CDK17: variants seen among roughly 807,000 people sequenced by gnomAD.
CDK17 encodes the protein cyclin-dependent kinase 17.
In CDK17, 24 loss-of-function variants were observed where a neutral mutation model predicts 77.6. That is an observed-to-expected ratio of 0.31 (90% CI 0.22 to 0.44). The LOEUF is 0.44. Among genes scored for constraint, CDK17 ranks in the 20% least tolerant of loss-of-function variants. The pLI is 1.00. For synonymous variants in CDK17, 203 were observed against 210.4 expected, an observed-to-expected ratio of 0.96 and a Z score of 0.30; for missense variants, 429 against 622.5, an observed-to-expected ratio of 0.69 and a Z score of 3.31.
At chr12:96,313,715 T>C (rs1952672694) in intron 3 of CDK17, among the ~76,000 whole-genome samples, 1 of 152,196 alleles carries the variant, frequency 6.6e-6, no homozygotes, top group African/African-American at 2.4e-5. Context: ...AATAAAATTA[T>C]AAACTGGAAA....
At chr12:96,346,866 G>T (rs184675444) in intron 1 of CDK17, among the ~76,000 whole-genome samples, 176 of 151,126 alleles carry the variant, frequency 1.2e-3, no homozygotes, top group Non-Finnish European at 1.8e-3. Context: ...AGTGAGCCGA[G>T]ATCACACCAC....
At chr12:96,359,357 AC>A (rs1413819332) in intron 1 of CDK17, among the ~76,000 whole-genome samples, 2 of 152,238 alleles carry the variant, frequency 1.3e-5, no homozygotes, top group Non-Finnish European at 2.9e-5. Flanking sequence ...GGTTATAATA[AC>A]AAAGATTTTA....
intron 5 of CDK17, among the ~76,000 whole-genome samples, chr12:96,301,225 C>A (rs185586889): frequency 1.8e-3 from 254 of 144,614 alleles, no homozygotes; most frequent in Non-Finnish European, 2.9e-3. Context: ...GGCTACACCC[C>A]CCCTCAACAC....
intron 1 of CDK17, among the ~76,000 whole-genome samples, chr12:96,395,913 C>T (rs913382650): frequency 4.6e-5 from 7 of 152,156 alleles, no homozygotes; most frequent in African/African-American, 1.7e-4. Context: ...CTTCCAGCCC[C>T]GGACCTGTGA....
rs143122058 is a variant in CDK17 at position 96,358,978 on chromosome 12, C to CT, written c.-29-24114dup. 2.4e-3 allele frequency among the ~76,000 whole-genome samples: 338 copies of CT among 141,926 alleles called. 1 individual carries two copies. The highest frequency in any genetic ancestry group is 4.6e-3 in the African/African-American group (177 of 38,412). The allele number at this position is 141,926 out of a possible 152,430, so 93.1% of individuals were successfully genotyped here. On this transcript the variant is annotated intron_variant, in intron 1 of 16. Coordinates refer to ENST00000261211, the MANE Select transcript of CDK17 (RefSeq NM_002595.5). ...TTTCCAAAACTGACTGGTCAGATGG[C>CT]TTTTTTTTTTTTTTCCTGAAACAAA...
At chr12:96,285,597 TAA>T (rs1952235374) in intron 13 of CDK17, 1 of 152,434 alleles carries the variant, frequency 6.6e-6, no homozygotes, top group Non-Finnish European at 1.5e-5. Flanking sequence ...AGAAGAAACT[TAA>T]ATGAATGGCT....
chr12:96,280,876 A>G lies in CDK17; in HGVS notation c.1466T>C (p.Ile489Thr). 1 of 1,613,190 alleles carries G rather than the reference A, an allele frequency of 6.2e-7. No individual in the cohort carries two copies. The highest frequency in any genetic ancestry group is 8.5e-7 in the Non-Finnish European group (1 of 1,179,610). ...RIHALPESVS[I>T]FSLKEIQLQK... Reference sequence around the variant, plus strand: ...CAACTGAATCTCTTTCAAACTGAATATTGATACACCTAAAATGCATAGACA... The same window carrying G: ...CAACTGAATCTCTTTCAAACTGAATGTTGATACACCTAAAATGCATAGACA... The change falls in exon 16 of 17, where the codon ATA becomes ACA. Residue 489 changes from isoleucine to threonine, a missense_variant. Coordinates refer to ENST00000261211, the MANE Select transcript of CDK17 (RefSeq NM_002595.5).
At chr12:96,338,842 A>C (rs902552488) in intron 1 of CDK17, among the ~76,000 whole-genome samples, 5 of 151,600 alleles carry the variant, frequency 3.3e-5, no homozygotes, top group African/African-American at 1.2e-4. Context: ...TACCATTTTT[A>C]AGTGCAGTTT....
At chr12:96,280,951 C>G (rs1952171902) in intron 15 of CDK17, 66 bp from the exon 16 acceptor site, 1 of 1,269,494 alleles carries the variant, frequency 7.9e-7, no homozygotes, top group South Asian at 1.3e-5. Context: ...ACCCTACTAT[C>G]AACAAATGTT....
intron 2 of CDK17, among the ~76,000 whole-genome samples, chr12:96,325,370 G>A (rs1235499447): frequency 6.6e-6 from 1 of 152,174 alleles, no homozygotes; most frequent in Non-Finnish European, 1.5e-5. Flanking sequence ...CTGATCAGGG[G>A]ATTCCTCTAC....
chr12:96,336,230 G>C (rs1413441850), intron 1 of CDK17, among the ~76,000 whole-genome samples: 13 of 152,164 alleles, frequency 8.5e-5, no homozygotes, highest in Admixed American at 8.5e-4. Flanking sequence ...GGGAGGCCAA[G>C]GCAGGAGGAT....
chr12:96,340,631 A>C (rs1340600047), intron 1 of CDK17, among the ~76,000 whole-genome samples: 2 of 152,178 alleles, frequency 1.3e-5, no homozygotes, highest in African/African-American at 4.8e-5. Context: ...TCGTTAGCTG[A>C]GAACAAAGGC....
chr12:96,399,965 G>A (rs1463056449), intron 1 of CDK17, 21 bp downstream of exon 1: 2 of 374,312 alleles, frequency 5.3e-6, no homozygotes, highest in East Asian at 3.9e-5. Context: ...AGCGCGGCGC[G>A]GACGCCAGCC....
At chr12:96,397,981 T>C (rs1271282371) in intron 1 of CDK17, among the ~76,000 whole-genome samples, 1 of 152,228 alleles carries the variant, frequency 6.6e-6, no homozygotes, top group African/African-American at 2.4e-5. Flanking sequence ...TGACTGTTCG[T>C]ACAGTGATAT....
chr12:96,350,662 G>A (rs1490111526), intron 1 of CDK17, among the ~76,000 whole-genome samples: 28 of 152,072 alleles, frequency 1.8e-4, no homozygotes. Flanking sequence ...AAAACTGGAT[G>A]TTTTCATGCA....
chr12:96,340,516 A>G (rs1027088401), intron 1 of CDK17, among the ~76,000 whole-genome samples: 2 of 152,206 alleles, frequency 1.3e-5, no homozygotes, highest in Non-Finnish European at 2.9e-5. Flanking sequence ...AAAGAATTTC[A>G]TTACCACAGC....
intron 1 of CDK17, among the ~76,000 whole-genome samples, chr12:96,339,998 A>C (rs1198030773): frequency 1.3e-5 from 2 of 152,056 alleles, no homozygotes; most frequent in Non-Finnish European, 2.9e-5. Flanking sequence ...AATCACCAAA[A>C]TTAACTCTGC....
At chr12:96,387,065 AT>A in intron 1 of CDK17, 5 of 342,168 alleles carry the variant, frequency 1.5e-5, no homozygotes, top group Admixed American at 3.9e-5. Context: ...CTTCAGGGTC[AT>A]TTTCACGCTT....
Position 96,283,674 on chromosome 12 carries a change from T to G in CDK17, c.1323-29A>C, listed in dbSNP as rs200170218. 1.2e-5 allele frequency: 17 copies of G among 1,475,558 alleles called. No homozygotes were observed. In the East Asian group the frequency reaches 3.9e-4, roughly 33 times the overall value. 91.4% of individuals were successfully genotyped at this position (1,475,558 alleles called of 1,614,324 possible). Reference sequence around the variant, plus strand: ...GAAACAACAAAGAACAAGTAAAAATTTATGCTCTCTTAGCTGATAAAACTT... The same window carrying G: ...GAAACAACAAAGAACAAGTAAAAATGTATGCTCTCTTAGCTGATAAAACTT... On this transcript the variant is annotated intron_variant, in intron 13 of 16. Transcript: ENST00000261211.
Sources: allele counts gnomAD v4.1 joint callset (sites outside exome capture counted in the v4.1 genomes callset), GRCh38; gene constraint gnomAD v4.1.1; transcripts MANE v1.5; gene names NCBI Gene and HGNC (gene_info 2026-07-23, HGNC 2026-07-21).